CCDC192: variants seen among roughly 807,000 people sequenced by gnomAD.
CCDC192 encodes the protein coiled-coil domain-containing protein 192.
chr5:127,823,587 T>C (rs1749396454), intron 5 of CCDC192, among the ~76,000 whole-genome samples: 1 of 152,152 alleles, frequency 6.6e-6, no homozygotes, highest in Admixed American at 6.5e-5. Context: ...TGCCAGCCAA[T>C]AAATTTCTAT....
chr5:127,906,256 T>C (rs1389227914), intron 6 of CCDC192, among the ~76,000 whole-genome samples: 1 of 152,200 alleles, frequency 6.6e-6, no homozygotes, highest in African/African-American at 2.4e-5. Context: ...AGGTACCTCC[T>C]ACAGGTGGAA....
intron 2 of CCDC192, among the ~76,000 whole-genome samples, chr5:127,748,719 A>G (rs984073699): frequency 5.9e-4 from 85 of 143,614 alleles, no homozygotes; most frequent in African/African-American, 2.0e-3. Flanking sequence ...TTTTCACAAT[A>G]TTGATTCTTC....
chr5:127,782,800 A>G (rs745534593), intron 3 of CCDC192, among the ~76,000 whole-genome samples: 11 of 151,394 alleles, frequency 7.3e-5, no homozygotes, highest in Non-Finnish European at 1.3e-4. Flanking sequence ...TGTTTGTTTC[A>G]ATTTCATTTA....
intron 5 of CCDC192, among the ~76,000 whole-genome samples, chr5:127,828,939 G>A (rs992351234): frequency 2.6e-5 from 4 of 152,244 alleles, no homozygotes; most frequent in Admixed American, 2.6e-4. Context: ...TGGGAGCAAT[G>A]TGGAGAGAGG....
intron 5 of CCDC192, among the ~76,000 whole-genome samples, chr5:127,806,415 A>G (rs1757783548): frequency 6.6e-6 from 1 of 151,336 alleles, no homozygotes; most frequent in African/African-American, 2.4e-5. Flanking sequence ...CACACCCCCC[A>G]CCCTACCGCC....
chr5:127,912,644 GT>G (rs1421315076), intron 6 of CCDC192, among the ~76,000 whole-genome samples: 3 of 152,100 alleles, frequency 2.0e-5, no homozygotes, highest in Non-Finnish European at 2.9e-5. Flanking sequence ...ATAAGAAGGT[GT>G]TCATTGGAGC....
intron 2 of CCDC192, among the ~76,000 whole-genome samples, chr5:127,719,503 A>G (rs1459351475): frequency 5.8e-5 from 3 of 51,332 alleles, no homozygotes; most frequent in African/African-American, 2.3e-4. Flanking sequence ...ATACACACAC[A>G]TACATATATA....
intron 2 of CCDC192, among the ~76,000 whole-genome samples, chr5:127,737,520 A>C (rs377731058): frequency 4.0e-5 from 6 of 149,340 alleles, no homozygotes; most frequent in South Asian, 4.2e-4. Flanking sequence ...GTCTAATGTT[A>C]ACAGTGGGGT....
chr5:127,828,424 G>A (rs1419949117), intron 5 of CCDC192, among the ~76,000 whole-genome samples: 2 of 152,228 alleles, frequency 1.3e-5, no homozygotes, highest in Non-Finnish European at 2.9e-5. Flanking sequence ...TTCATTAGAA[G>A]TAGTATGATC....
intron 2 of CCDC192, among the ~76,000 whole-genome samples, chr5:127,709,981 G>A (rs1751228565): frequency 6.6e-6 from 1 of 152,140 alleles, no homozygotes; most frequent in African/African-American, 2.4e-5. Context: ...ACACTGAAAA[G>A]GACAAGGTGC....
chr5:127,799,414 A>G (rs1456677311), intron 5 of CCDC192, among the ~76,000 whole-genome samples: 5 of 152,164 alleles, frequency 3.3e-5, no homozygotes, highest in African/African-American at 9.7e-5. Context: ...GCATTGTGAC[A>G]TATTTAGACA....
At chr5:127,750,231 G>A (rs1440457304) in intron 2 of CCDC192, among the ~76,000 whole-genome samples, 1 of 152,032 alleles carries the variant, frequency 6.6e-6, no homozygotes, top group Non-Finnish European at 1.5e-5. Flanking sequence ...CATCTTTCCT[G>A]CTTTCTCTTG....
chr5:127,870,653 T>C (rs1239834851), intron 5 of CCDC192, among the ~76,000 whole-genome samples: 1 of 152,178 alleles, frequency 6.6e-6, no homozygotes, highest in African/African-American at 2.4e-5. Context: ...GACTAAACGA[T>C]TGTGAATCCA....
intron 5 of CCDC192, among the ~76,000 whole-genome samples, chr5:127,835,616 T>G (rs140101188): frequency 5.4e-4 from 82 of 152,284 alleles, no homozygotes; most frequent in Non-Finnish European, 1.0e-3. Context: ...CAGTTCTGCA[T>G]GGCTGGGGAG....
intron 3 of CCDC192, among the ~76,000 whole-genome samples, chr5:127,758,883 C>CCATA (rs1248478854): frequency 6.6e-6 from 1 of 152,178 alleles, no homozygotes; most frequent in Non-Finnish European, 1.5e-5. Context: ...AGCAAATAGA[C>CCATA]CATACAGCTT....
At chr5:127,878,566 G>C (rs1752210402) in intron 6 of CCDC192, among the ~76,000 whole-genome samples, 1 of 152,240 alleles carries the variant, frequency 6.6e-6, no homozygotes, top group African/African-American at 2.4e-5. Flanking sequence ...TGAGGCATGA[G>C]AATTGCTTGA....
At chr5:127,763,913 C>T (rs1755069407) in intron 3 of CCDC192, among the ~76,000 whole-genome samples, 1 of 152,142 alleles carries the variant, frequency 6.6e-6, no homozygotes, top group African/African-American at 2.4e-5. Context: ...AGTTAGATGC[C>T]ATTCCCTCCA....
At chr5:127,912,850 A>G (rs1753414901) in intron 6 of CCDC192, among the ~76,000 whole-genome samples, 2 of 152,210 alleles carry the variant, frequency 1.3e-5, no homozygotes, top group Non-Finnish European at 2.9e-5. Context: ...ACCTAATCAT[A>G]GAATAAAACA....
intron 2 of CCDC192, among the ~76,000 whole-genome samples, chr5:127,709,102 GGAGAGAGAGA>G (rs540628735): frequency 3.5e-5 from 2 of 57,360 alleles, no homozygotes; most frequent in African/African-American, 1.4e-4. Flanking sequence ...AGTGGGAGCA[GGAGAGAGAGA>G]GAGAGAGAGA....
Sources: gnomAD v4.1 joint callset for allele counts (sites outside exome capture counted in the v4.1 genomes callset) on GRCh38, gnomAD v4.1.1 for gene constraint, MANE v1.5 for transcripts, NCBI Gene and HGNC (gene_info 2026-07-23, HGNC 2026-07-21) for gene names.